Variants in PAM observed in about 807,000 individuals in gnomAD.
PAM encodes the protein peptidyl-glycine alpha-amidating monooxygenase.
A neutral mutation model predicts 122.1 loss-of-function variants in PAM; 72 were observed. The observed-to-expected ratio is 0.59, with a 90% CI of 0.49 to 0.72. The LOEUF is 0.72. Among genes scored for constraint, PAM ranks in the 30% least tolerant of loss-of-function variants. The pLI is 0.00. For missense variants in PAM, 1,106 were observed against 1,183.7 expected, an observed-to-expected ratio of 0.93 and a Z score of 0.96; for synonymous variants, 389 against 404.4, an observed-to-expected ratio of 0.96 and a Z score of 0.46.
intron 14 of PAM, among the ~76,000 whole-genome samples, chr5:102,970,661 A>T (rs1172427633): frequency 6.6e-6 from 1 of 152,192 alleles, no homozygotes; most frequent in Non-Finnish European, 1.5e-5. Context: ...TTCTTTTTCC[A>T]AAGATACGCT....
intron 3 of PAM, among the ~76,000 whole-genome samples, chr5:102,897,766 G>A (rs980868660): frequency 1.3e-5 from 2 of 151,536 alleles, no homozygotes; most frequent in Non-Finnish European, 3.0e-5. Context: ...TACAATAAAA[G>A]GTTATTATTC....
intron 1 of PAM, among the ~76,000 whole-genome samples, chr5:102,780,623 C>G (rs1029342074): frequency 2.0e-5 from 3 of 152,070 alleles, no homozygotes; most frequent in Non-Finnish European, 2.9e-5. Context: ...CCTACTCTTG[C>G]TGGCAGCTCT....
intron 15 of PAM, among the ~76,000 whole-genome samples, chr5:102,978,950 C>G (rs1180658199): frequency 1.3e-5 from 2 of 151,756 alleles, no homozygotes; most frequent in Non-Finnish European, 2.9e-5. Flanking sequence ...ATCCGAAATT[C>G]CACAGCTCAA....
chr5:102,782,011 T>G (rs1759078571), intron 1 of PAM, among the ~76,000 whole-genome samples: 1 of 152,212 alleles, frequency 6.6e-6, no homozygotes, highest in African/African-American at 2.4e-5. Context: ...GCAGTCCACA[T>G]CCGTGTTCTT....
chr5:102,795,784 C>T (rs1420273494), intron 1 of PAM, among the ~76,000 whole-genome samples: 1 of 152,184 alleles, frequency 6.6e-6, no homozygotes, highest in Non-Finnish European at 1.5e-5. Context: ...TAAATGGCAA[C>T]TCTCTTCACT....
intron 5 of PAM, among the ~76,000 whole-genome samples, chr5:102,922,731 G>C (rs1366659802): frequency 6.6e-6 from 1 of 152,134 alleles, no homozygotes; most frequent in Non-Finnish European, 1.5e-5. Context: ...TCATCACATT[G>C]GTTATAGGCA....
At chr5:102,942,815 C>A (rs961848432) in intron 7 of PAM, among the ~76,000 whole-genome samples, 1 of 150,620 alleles carries the variant, frequency 6.6e-6, no homozygotes, top group Non-Finnish European at 1.5e-5. Flanking sequence ...AAGTGATTCA[C>A]CTGCCTCGGC....
At chr5:102,858,638 G>A (rs896529590) in intron 1 of PAM, among the ~76,000 whole-genome samples, 5 of 152,024 alleles carry the variant, frequency 3.3e-5, no homozygotes, top group Admixed American at 1.3e-4. Flanking sequence ...GAAATCTGTC[G>A]AACCATATTT....
At chr5:102,896,941 C>T (rs1024437600) in intron 3 of PAM, among the ~76,000 whole-genome samples, 3 of 151,574 alleles carry the variant, frequency 2.0e-5, no homozygotes, top group Admixed American at 2.0e-4. Flanking sequence ...GTGGAGAGTA[C>T]AAACACCACG....
At position 102,841,406 on chromosome 5, in the gene PAM, T is replaced by TACACACACACACACACACACACAC. The variant is rs35825092; in HGVS notation, c.-373-24401_-373-24378dup. Reference sequence around the variant, plus strand: ...CTGTTCATTCTCAAACACCTACAAATACACACACACACACACACACACACA... The same window carrying TACACACACACACACACACACACAC: ...CTGTTCATTCTCAAACACCTACAAATACACACACACACACACACACACACACACACACACACACACACACACACA... On this transcript the variant is annotated intron_variant, in intron 1 of 25. Transcript: ENST00000438793. Among the ~76,000 whole-genome samples the TACACACACACACACACACACACAC allele has an allele frequency of 6.5e-5, 9 of 138,538 alleles. No homozygotes were observed. In the East Asian group the frequency reaches 1.1e-3, roughly 16 times the overall value. The allele number at this position is 138,538 out of a possible 152,430, so 90.9% of individuals were successfully genotyped here. A position where few individuals can be genotyped will look rare whatever the true frequency, so the allele number is the denominator to read the frequency against.
chr5:102,903,640 A>G (rs375169319), intron 4 of PAM, among the ~76,000 whole-genome samples: 87 of 151,644 alleles, frequency 5.7e-4, no homozygotes, highest in Middle Eastern at 6.8e-3. Flanking sequence ...CAGACACTGT[A>G]AGATACTGAA....
intron 3 of PAM, among the ~76,000 whole-genome samples, chr5:102,893,696 G>A (rs1795374967): frequency 6.6e-6 from 1 of 151,734 alleles, no homozygotes; most frequent in African/African-American, 2.4e-5. Flanking sequence ...GGTAAATTAG[G>A]TGTTTAGGTT....
rs200401039 is a variant in PAM, at chr5:102,803,182, G to A, written c.-374+47834G>A. ...GGAAGGAAGGAAGGAAGGAAGGAAG[G>A]AAGGAAGGAAGGAAGGAAGGAAGGA... On this transcript the variant is annotated intron_variant, in intron 1 of 25. Coordinates refer to ENST00000438793, the MANE Select transcript of PAM (RefSeq NM_001177306.2). Among the ~76,000 whole-genome samples, 36 of 16,314 alleles carry A rather than the reference G, an allele frequency of 2.2e-3. 2 individuals are homozygous for A. Among genetic ancestry groups the A allele is most frequent in the African/African-American group, 4.5e-3 (29 of 6,386 alleles). The allele number at this position is 16,314 out of a possible 152,430, so 10.7% of individuals were successfully genotyped here.
At chr5:102,827,665 ATTTTT>A (rs947792228) in intron 1 of PAM, among the ~76,000 whole-genome samples, 1 of 35,586 alleles carries the variant, frequency 2.8e-5, no homozygotes, top group Admixed American at 3.6e-4. Flanking sequence ...GCTCACTATG[ATTTTT>A]TTTTTTTTTT....
intron 16 of PAM, among the ~76,000 whole-genome samples, chr5:102,991,279 T>G (rs1773994639): frequency 6.6e-6 from 1 of 152,204 alleles, no homozygotes; most frequent in Admixed American, 6.5e-5. Flanking sequence ...TTTTAAAAGC[T>G]TGCCCCACAA....
intron 1 of PAM, among the ~76,000 whole-genome samples, chr5:102,821,909 A>T (rs1051254100): frequency 1.3e-5 from 2 of 152,228 alleles, no homozygotes; most frequent in African/African-American, 4.8e-5. Flanking sequence ...AAACAATATC[A>T]AACTTCTAAA....
rs75375891 is a variant in PAM at position 102,944,178 on chromosome 5, T to G, written c.527-2659T>G. Among the ~76,000 whole-genome samples, 193 of 152,306 alleles carry G rather than the reference T, an allele frequency of 1.3e-3. 3 individuals carry two copies. The East Asian group carries it at 0.034, about 26-fold the overall frequency. ...AATGGAATAGTGACATAATGAAATA[T>G]CCCTCTCAGTTTTACCTCATACCTA... On this transcript the variant is annotated intron_variant, in intron 7 of 25. Transcript: ENST00000438793.
intron 1 of PAM, among the ~76,000 whole-genome samples, chr5:102,768,710 T>G (rs1247085501): frequency 6.6e-6 from 1 of 152,234 alleles, no homozygotes; most frequent in Non-Finnish European, 1.5e-5. Context: ...ATTCTGTATA[T>G]GTAACACATT....
At chr5:102,949,392 A>G (rs1415573266) in intron 9 of PAM, 145 bp from the exon 10 acceptor site, 2 of 652,862 alleles carry the variant, frequency 3.1e-6, no homozygotes, top group East Asian at 2.8e-5. Context: ...CTGGCACAGA[A>G]TAAGTGCTTA....
Sources: gnomAD v4.1 joint callset for allele counts (sites outside exome capture counted in the v4.1 genomes callset) on GRCh38, gnomAD v4.1.1 for gene constraint, MANE v1.5 for transcripts, NCBI Gene and HGNC (gene_info 2026-07-23, HGNC 2026-07-21) for gene names.